The following SMAP1 variants were observed in gnomAD, a reference collection of about 807,000 sequenced individuals.
SMAP1 encodes the protein stromal membrane-associated protein 1.
In SMAP1, 24 loss-of-function variants were observed where a neutral mutation model predicts 58.5. That is an observed-to-expected ratio of 0.41 (90% CI 0.30 to 0.58). The LOEUF (loss-of-function observed/expected upper bound fraction) is 0.58, where lower values mean the gene tolerates loss of function less well. Ranked by LOEUF, SMAP1 falls within the 20% of genes least tolerant of loss-of-function variation. The pLI is 0.29. For missense variants in SMAP1, 563 were observed against 566.3 expected (o/e 0.99, Z 0.06); for synonymous variants, 216 against 196.6 (o/e 1.10, Z -0.82).
chr6:70,771,570 A>G (rs1767314015), intron 3 of SMAP1, among the ~76,000 whole-genome samples: 1 of 152,064 alleles, frequency 6.6e-6, no homozygotes, highest in Non-Finnish European at 1.5e-5. Context: ...GTGGGATATA[A>G]TCTCCTGGTG....
intron 6 of SMAP1, among the ~76,000 whole-genome samples, chr6:70,806,824 T>A (rs1582228226): frequency 1.3e-5 from 2 of 152,338 alleles, no homozygotes; most frequent in East Asian, 3.9e-4. Flanking sequence ...TTAAGTTCCT[T>A]ATTTTATAAA....
At chr6:70,817,712 G>T (rs1769700459) in intron 6 of SMAP1, among the ~76,000 whole-genome samples, 1 of 152,110 alleles carries the variant, frequency 6.6e-6, no homozygotes, top group East Asian at 1.9e-4. Context: ...TTAAAGAGGG[G>T]TCAAAAAATG....
chr6:70,712,236 G>C (rs980859801), intron 1 of SMAP1, among the ~76,000 whole-genome samples: 1 of 149,586 alleles, frequency 6.7e-6, no homozygotes, highest in Non-Finnish European at 1.5e-5. Context: ...TAATCACCTT[G>C]ATTGATTTGT....
chr6:70,814,395 G>T (rs1169318275), intron 6 of SMAP1, among the ~76,000 whole-genome samples: 1 of 152,164 alleles, frequency 6.6e-6, no homozygotes, highest in East Asian at 1.9e-4. Context: ...ACTCTGATGA[G>T]AACATTGATA....
At position 70,838,014 on chromosome 6, in the gene SMAP1, A is replaced by T. The variant is rs990192975; in HGVS notation, c.664+986A>T. ...TGATGGTAAAAAGTTGTGTATTAGA[A>T]ATATAAAAAATAACTGTAATTTTGA... On this transcript the variant is annotated intron_variant, in intron 7 of 10. Transcript: ENST00000370455. 9 of 811,832 alleles carry T rather than the reference A, an allele frequency of 1.1e-5. No individual in the cohort carries two copies. The African/African-American group carries it at 1.1e-4, about 10-fold the overall frequency. 50.3% of individuals were successfully genotyped at this position (811,832 alleles called of 1,614,324 possible).
rs1765809603 is a variant in SMAP1 at position 70,741,389 on chromosome 6, G to A, written c.252+8878G>A. 2.0e-5 allele frequency among the ~76,000 whole-genome samples: 3 copies of A among 152,296 alleles called. No homozygotes were observed. In the South Asian group the frequency reaches 6.2e-4, roughly 32 times the overall value. On this transcript the variant is annotated intron_variant, in intron 2 of 10. Coordinates refer to ENST00000370455, the MANE Select transcript of SMAP1 (RefSeq NM_001044305.3). ...AGGAGCCACAGGCCCCATGCAAGTCGGAAATCCAGCAGGTCAGTCAAATCT... is the reference window on the plus strand; with the variant it reads ...AGGAGCCACAGGCCCCATGCAAGTCAGAAATCCAGCAGGTCAGTCAAATCT...
At chr6:70,699,581 T>C (rs561604896) in intron 1 of SMAP1, among the ~76,000 whole-genome samples, 1 of 151,554 alleles carries the variant, frequency 6.6e-6, no homozygotes, top group East Asian at 2.0e-4. Context: ...TAATGCACTG[T>C]TCTGCTGTGG....
At chr6:70,750,670 G>A (rs2149884336) in intron 2 of SMAP1, among the ~76,000 whole-genome samples, 1 of 152,280 alleles carries the variant, frequency 6.6e-6, no homozygotes, top group African/African-American at 2.4e-5. Flanking sequence ...CTTTGGGCTG[G>A]TGATGTTGTA....
chr6:70,760,798 C>CTTT (rs1766716147), intron 3 of SMAP1, among the ~76,000 whole-genome samples: 1 of 152,154 alleles, frequency 6.6e-6, no homozygotes, highest in Non-Finnish European at 1.5e-5. Flanking sequence ...AGATTTGTCA[C>CTTT]TTTTTAAAAA....
At chr6:70,756,224 T>G (rs1348262578) in intron 3 of SMAP1, among the ~76,000 whole-genome samples, 1 of 152,106 alleles carries the variant, frequency 6.6e-6, no homozygotes, top group Non-Finnish European at 1.5e-5. Flanking sequence ...GACAATAAAA[T>G]GTAGTTTATT....
chr6:70,691,232 G>A (rs1383505151), intron 1 of SMAP1, among the ~76,000 whole-genome samples: 1 of 151,972 alleles, frequency 6.6e-6, no homozygotes, highest in Admixed American at 6.6e-5. Context: ...TTTTATTGAT[G>A]TTTTTCAAAT....
At chr6:70,709,182 G>A (rs1350294678) in intron 1 of SMAP1, among the ~76,000 whole-genome samples, 4 of 151,910 alleles carry the variant, frequency 2.6e-5, no homozygotes, top group African/African-American at 9.7e-5. Context: ...CTGTACTTCC[G>A]CCATTGTGTC....
chr6:70,719,979 C>T (rs1211684855), intron 1 of SMAP1, among the ~76,000 whole-genome samples: 1 of 152,148 alleles, frequency 6.6e-6, no homozygotes, highest in African/African-American at 2.4e-5. Flanking sequence ...CATTTCAAGA[C>T]TAATCATGCC....
chr6:70,856,948 A>G lies in SMAP1; in HGVS notation c.879A>G (p.Glu293=). 1 of 1,614,004 alleles carries G rather than the reference A, an allele frequency of 6.2e-7. No homozygotes were observed. Among genetic ancestry groups the G allele is most frequent in the Non-Finnish European group, 8.5e-7 (1 of 1,179,894 alleles). The part of the protein sequence containing the change: ...DLFTEQTTKS[E]EVAKKQLSKD... The stretch of plus-strand genomic sequence containing the variant: ...TCACTGAGCAAACTACAAAATCAGA[A>G]GAAGTGGCAAAGAAACAACTTTCCA... The change falls in exon 9 of 11, where the codon GAA becomes GAG. Residue 293 remains glutamate (E), a synonymous_variant. Transcript: ENST00000370455.
At chr6:70,847,495 C>T (rs1034450479) in intron 7 of SMAP1, among the ~76,000 whole-genome samples, 2 of 152,180 alleles carry the variant, frequency 1.3e-5, no homozygotes, top group South Asian at 2.1e-4. Context: ...AAAGAAAATA[C>T]TTACCACAAG....
intron 2 of SMAP1, among the ~76,000 whole-genome samples, chr6:70,739,565 C>A (rs1057443532): frequency 1.3e-4 from 19 of 151,978 alleles, no homozygotes; most frequent in African/African-American, 4.6e-4. Context: ...ACCAAAAATA[C>A]CTACATATGG....
chr6:70,768,119 T>G lies in SMAP1; in HGVS notation c.339-5231T>G, dbSNP rs1582144212. The stretch of plus-strand genomic sequence containing the variant: ...ATGAAGCCCACTTGATCATGGTGGT[T>G]AAGTTTTTGATGTGCTGCTGGGTTC... On this transcript the variant is annotated intron_variant, in intron 3 of 10. Coordinates refer to ENST00000370455, the MANE Select transcript of SMAP1 (RefSeq NM_001044305.3). 2.6e-5 allele frequency among the ~76,000 whole-genome samples: 4 copies of G among 152,306 alleles called. 1 individual carries two copies. Among genetic ancestry groups the G allele is most frequent in the Admixed American group, 2.6e-4 (4 of 15,306 alleles).
intron 1 of SMAP1, among the ~76,000 whole-genome samples, chr6:70,725,780 T>C (rs1340469915): frequency 6.6e-6 from 1 of 152,196 alleles, no homozygotes. Context: ...CCAAACCAAA[T>C]CCAATTCTTA....
Position 70,747,208 on chromosome 6 carries a change from G to A in SMAP1, c.253-7772G>A, listed in dbSNP as rs550007609. Among the ~76,000 whole-genome samples, 6 of 152,200 alleles carry A rather than the reference G, an allele frequency of 3.9e-5. No homozygotes were observed. In the East Asian group the frequency reaches 1.2e-3, roughly 29 times the overall value. On this transcript the variant is annotated intron_variant, in intron 2 of 10. Transcript: ENST00000370455. ...AAGAAAGTGGCTTTTAAAAAATATT[G>A]TATTATCTGGTCATATGGTAAGTTT...
Sources: gnomAD v4.1 joint callset for allele counts (sites outside exome capture counted in the v4.1 genomes callset) on GRCh38, gnomAD v4.1.1 for gene constraint, MANE v1.5 for transcripts, NCBI Gene and HGNC (gene_info 2026-07-23, HGNC 2026-07-21) for gene names.